The following SV2C variants were observed in gnomAD, a reference collection of about 807,000 sequenced individuals.
SV2C encodes the protein synaptic vesicle glycoprotein 2C.
SV2C carries 49 observed loss-of-function variants against 79.7 expected under a neutral mutation model. That is an observed-to-expected ratio of 0.61 (90% CI 0.49 to 0.78). SV2C has a LOEUF of 0.78. Ranked by LOEUF, SV2C falls within the 30% of genes least tolerant of loss-of-function variation. The pLI, the probability that SV2C is intolerant of heterozygous loss-of-function variation, is 0.00. For missense variants in SV2C, 833 were observed against 912.9 expected, an observed-to-expected ratio of 0.91 and a Z score of 1.13; for synonymous variants, 334 against 333.2, an observed-to-expected ratio of 1.00 and a Z score of -0.03.
the SV2C span, among the ~76,000 whole-genome samples, chr5:75,948,920 C>T: frequency 6.6e-6 from 1 of 151,936 alleles, no homozygotes; most frequent in Non-Finnish European, 1.5e-5. Context: ...TTTGTGATGA[C>T]TGATAGAGCT....
chr5:76,237,756 C>T (rs1057174454), intron 4 of SV2C, among the ~76,000 whole-genome samples: 1 of 152,080 alleles, frequency 6.6e-6, no homozygotes, highest in African/African-American at 2.4e-5. Context: ...ATATTGCCCA[C>T]TGTCATCTAG....
intron 4 of SV2C, chr5:76,281,360 T>C (rs985400015): frequency 3.7e-6 from 1 of 266,780 alleles, no homozygotes; most frequent in African/African-American, 2.3e-5. Context: ...GTTTATTGTC[T>C]ATATGCCTTT....
chr5:75,867,307 A>G, the SV2C span, among the ~76,000 whole-genome samples: 1 of 152,196 alleles, frequency 6.6e-6, no homozygotes, highest in Non-Finnish European at 1.5e-5. Flanking sequence ...CAGATGCAAC[A>G]GGGGTCAGAG....
intron 4 of SV2C, among the ~76,000 whole-genome samples, chr5:76,247,647 C>T (rs1038754370): frequency 6.6e-6 from 1 of 152,134 alleles, no homozygotes; most frequent in African/African-American, 2.4e-5. Flanking sequence ...GAGGGTAATA[C>T]AACATCGGGG....
intron 2 of SV2C, among the ~76,000 whole-genome samples, chr5:76,145,256 A>G (rs1208876286): frequency 6.6e-6 from 1 of 152,168 alleles, no homozygotes; most frequent in Non-Finnish European, 1.5e-5. Context: ...ATGCTGCTCT[A>G]CTTAGTATGG....
chr5:76,195,198 C>A, intron 3 of SV2C, 99 bp downstream of exon 3: 1 of 1,218,020 alleles, frequency 8.2e-7, no homozygotes, highest in African/African-American at 1.5e-5. Flanking sequence ...CTTCACACAT[C>A]TCCTTCCATA....
chr5:76,297,895 T>G (rs1210937327), intron 9 of SV2C, among the ~76,000 whole-genome samples: 1 of 152,130 alleles, frequency 6.6e-6, no homozygotes, highest in Non-Finnish European at 1.5e-5. Context: ...AGAACAAGCA[T>G]TTTCCTCTCA....
chr5:76,231,030 C>G (rs759350256), intron 4 of SV2C, among the ~76,000 whole-genome samples: 7 of 152,206 alleles, frequency 4.6e-5, no homozygotes, highest in African/African-American at 7.2e-5. Context: ...TAGGAACTCT[C>G]TGAATGAAAT....
the SV2C span, among the ~76,000 whole-genome samples, chr5:75,947,152 G>T: frequency 6.6e-6 from 1 of 151,982 alleles, no homozygotes; most frequent in Non-Finnish European, 1.5e-5. Context: ...GTGCCAGTGG[G>T]AATAAAGATA....
At chr5:75,927,035 T>C in the SV2C span, among the ~76,000 whole-genome samples, 3 of 152,170 alleles carry the variant, frequency 2.0e-5, no homozygotes, top group South Asian at 6.2e-4. Context: ...TATGAAAATC[T>C]AAGATTCTAG....
At chr5:76,307,180 CA>C (rs1748221826) in intron 12 of SV2C, among the ~76,000 whole-genome samples, 1 of 152,006 alleles carries the variant, frequency 6.6e-6, no homozygotes, top group Non-Finnish European at 1.5e-5. Context: ...TTTATTTTGT[CA>C]AAAAACAAAA....
Position 76,223,491 on chromosome 5 carries a change from A to ATGTATATG in SV2C, c.913+13605_913+13606insGTATATGT, listed in dbSNP as rs1233003409. 8.0e-5 allele frequency among the ~76,000 whole-genome samples: 3 copies of ATGTATATG among 37,492 alleles called. No homozygotes were observed. The South Asian group carries it at 1.9e-3, about 23-fold the overall frequency. 24.6% of individuals were successfully genotyped at this position (37,492 alleles called of 152,430 possible). A position where few individuals can be genotyped will look rare whatever the true frequency, so the allele number is the denominator to read the frequency against. ...TATATATATATATATATATATATATATATATGTATATGTATATAAAGATTT... is the reference window on the plus strand; with the variant it reads ...TATATATATATATATATATATATATATGTATATGTATATGTATATGTATATAAAGATTT... On this transcript the variant is annotated intron_variant, in intron 4 of 12. Coordinates refer to ENST00000502798, the MANE Select transcript of SV2C (RefSeq NM_014979.4).
chr5:76,219,187 G>A (rs1228537675), intron 4 of SV2C, among the ~76,000 whole-genome samples: 2 of 152,180 alleles, frequency 1.3e-5, no homozygotes, highest in African/African-American at 4.8e-5. Flanking sequence ...GAGTGTTACA[G>A]CCCTGATGAT....
the SV2C span, among the ~76,000 whole-genome samples, chr5:75,933,769 C>A: frequency 6.6e-6 from 1 of 152,314 alleles, no homozygotes; most frequent in Non-Finnish European, 1.5e-5. Context: ...GCAGCCTGCT[C>A]CAGTTTTCTG....
At chr5:75,861,435 A>G in the SV2C span, among the ~76,000 whole-genome samples, 2 of 152,226 alleles carry the variant, frequency 1.3e-5, no homozygotes, top group Non-Finnish European at 2.9e-5. Flanking sequence ...AGAACTTAAA[A>G]CAGAACTACC....
At chr5:76,069,158 G>A in the SV2C span, among the ~76,000 whole-genome samples, 1 of 152,164 alleles carries the variant, frequency 6.6e-6, no homozygotes, top group Non-Finnish European at 1.5e-5. Context: ...GCAGAAGAAG[G>A]TTTGAAGTTG....
At chr5:76,255,706 G>A (rs984133340) in intron 4 of SV2C, among the ~76,000 whole-genome samples, 6 of 152,236 alleles carry the variant, frequency 3.9e-5, no homozygotes, top group East Asian at 3.9e-4. Context: ...TGGTGAAATC[G>A]TTATCAGAGT....
chr5:76,242,913 C>T (rs1172611973), intron 4 of SV2C, among the ~76,000 whole-genome samples: 1 of 146,184 alleles, frequency 6.8e-6, no homozygotes, highest in African/African-American at 2.5e-5. Context: ...ACTCAGAAGG[C>T]TGAGGCGGGA....
chr5:76,285,323 G>A (rs768104570), intron 5 of SV2C, 28 bp downstream of exon 5: 3 of 1,611,694 alleles, frequency 1.9e-6, no homozygotes. Context: ...AGATACTCAG[G>A]TAGCCCACCT....
Sources: allele counts gnomAD v4.1 joint callset (sites outside exome capture counted in the v4.1 genomes callset), GRCh38; gene constraint gnomAD v4.1.1; transcripts MANE v1.5; gene names NCBI Gene and HGNC (gene_info 2026-07-23, HGNC 2026-07-21).